Variants in TWSG1 observed in about 807,000 individuals in gnomAD.
TWSG1 encodes the protein twisted gastrulation protein homolog 1.
TWSG1 carries 15 observed loss-of-function variants against 23.0 expected under a neutral mutation model. That is an observed-to-expected ratio of 0.65 (90% CI 0.44 to 1.00). The LOEUF (loss-of-function observed/expected upper bound fraction) is 1.00, where lower values mean the gene tolerates loss of function less well. TWSG1 is among the 50% of genes least tolerant of loss of function. TWSG1 has a pLI of 0.00. For synonymous variants in TWSG1, 86 were observed against 92.8 expected (o/e 0.93, Z 0.42); for missense variants, 242 against 278.7 (o/e 0.87, Z 0.94).
chr18:9,337,059 G>T, intron 1 of TWSG1, 134 bp from the exon 2 acceptor site: 1 of 730,212 alleles, frequency 1.4e-6, no homozygotes, highest in Non-Finnish European at 2.1e-6. Context: ...GGGCAACAGA[G>T]CAAGACTCTA....
Position 9,345,838 on chromosome 18 carries a change from A to G in TWSG1, c.123+8486A>G, listed in dbSNP as rs191739483. 5.4e-3 allele frequency among the ~76,000 whole-genome samples: 823 copies of G among 152,246 alleles called. 7 individuals are homozygous for G. Among genetic ancestry groups the G allele is most frequent in the African/African-American group, 0.019 (791 of 41,558 alleles). ...TATAATAGACTTTATTTTTTGGAAA[A>G]GTTTTAGGTTTACAGAAAAATTGAG... On this transcript the variant is annotated intron_variant, in intron 2 of 4. Transcript: ENST00000262120.
intron 3 of TWSG1, among the ~76,000 whole-genome samples, chr18:9,362,841 G>T (rs994376271): frequency 2.0e-5 from 3 of 152,112 alleles, no homozygotes; most frequent in African/African-American, 7.2e-5. Context: ...ACCTTTAAGG[G>T]TTGGATGTCC....
intron 3 of TWSG1, among the ~76,000 whole-genome samples, chr18:9,363,066 C>A (rs1394105041): frequency 6.6e-6 from 1 of 152,186 alleles, no homozygotes; most frequent in Non-Finnish European, 1.5e-5. Flanking sequence ...AGTCCCCATA[C>A]TTTTCATGGG....
intron 2 of TWSG1, among the ~76,000 whole-genome samples, chr18:9,354,112 T>C (rs1193568276): frequency 6.6e-6 from 1 of 152,250 alleles, no homozygotes; most frequent in African/African-American, 2.4e-5. Context: ...AAATAACTTT[T>C]ATATTTCTCA....
At chr18:9,349,242 T>C (rs2040490774) in intron 2 of TWSG1, among the ~76,000 whole-genome samples, 1 of 152,192 alleles carries the variant, frequency 6.6e-6, no homozygotes, top group African/African-American at 2.4e-5. Context: ...TTTGGATCAA[T>C]ATTATGCTAT....
chr18:9,371,772 C>CT (rs11379317), intron 3 of TWSG1, among the ~76,000 whole-genome samples: 82,722 of 134,624 alleles, frequency 0.61, 25,621 homozygotes, highest in East Asian at 0.71. Flanking sequence ...CATTTTTATT[C>CT]TTTTTTTTTT....
intron 3 of TWSG1, among the ~76,000 whole-genome samples, chr18:9,360,613 A>G (rs76628514): frequency 0.013 from 2,018 of 152,146 alleles, 48 homozygotes; most frequent in African/African-American, 0.046. Context: ...GACTGAGATA[A>G]AGGATCCTCT....
At chr18:9,343,431 A>G (rs958954853) in intron 2 of TWSG1, among the ~76,000 whole-genome samples, 10 of 152,004 alleles carry the variant, frequency 6.6e-5, no homozygotes, top group South Asian at 2.1e-4. Context: ...ATTGAGATAT[A>G]TGATTCATAT....
chr18:9,350,535 C>G (rs1306178676), intron 2 of TWSG1, among the ~76,000 whole-genome samples: 1 of 152,146 alleles, frequency 6.6e-6, no homozygotes, highest in African/African-American at 2.4e-5. Flanking sequence ...CAGCTGGATT[C>G]TTTTAAAGAA....
At chr18:9,386,050 T>A (rs2040681950) in intron 3 of TWSG1, among the ~76,000 whole-genome samples, 1 of 151,500 alleles carries the variant, frequency 6.6e-6, no homozygotes, top group African/African-American at 2.4e-5. Context: ...ATGCCTGTAG[T>A]CCCAGATACT....
chr18:9,396,259 A>G (rs1476648913), intron 3 of TWSG1, 21 bp from the exon 4 acceptor site: 2 of 1,609,980 alleles, frequency 1.2e-6, no homozygotes, highest in Non-Finnish European at 1.7e-6. Flanking sequence ...ACAAAATCTT[A>G]TGATATTACC....
chr18:9,377,032 T>C (rs2040633565), intron 3 of TWSG1, among the ~76,000 whole-genome samples: 1 of 151,970 alleles, frequency 6.6e-6, no homozygotes, highest in South Asian at 2.1e-4. Flanking sequence ...TGTGTGTAGG[T>C]AGGTTATACG....
At chr18:9,360,280 G>A (rs1448750712) in intron 3 of TWSG1, among the ~76,000 whole-genome samples, 1 of 152,194 alleles carries the variant, frequency 6.6e-6, no homozygotes, top group African/African-American at 2.4e-5. Context: ...TCCTTGGGAA[G>A]TAGGAGTGGG....
At chr18:9,375,471 A>G (rs1313454022) in intron 3 of TWSG1, among the ~76,000 whole-genome samples, 1 of 152,192 alleles carries the variant, frequency 6.6e-6, no homozygotes, top group Non-Finnish European at 1.5e-5. Flanking sequence ...TCAACATCAT[A>G]CTGGAAGTTC....
intron 2 of TWSG1, among the ~76,000 whole-genome samples, chr18:9,349,711 T>C (rs1277390822): frequency 6.6e-6 from 1 of 152,242 alleles, no homozygotes; most frequent in Non-Finnish European, 1.5e-5. Context: ...TTTAGTCTCT[T>C]GCTATAGTTA....
At chr18:9,357,246 G>T (rs1422232751) in intron 2 of TWSG1, among the ~76,000 whole-genome samples, 1 of 152,158 alleles carries the variant, frequency 6.6e-6, no homozygotes, top group Non-Finnish European at 1.5e-5. Flanking sequence ...CATGAATGCA[G>T]CCTGAGTGTA....
intron 2 of TWSG1, among the ~76,000 whole-genome samples, chr18:9,352,402 C>T (rs555505334): frequency 6.6e-6 from 1 of 152,124 alleles, no homozygotes; most frequent in East Asian, 1.9e-4. Context: ...CCATATGGGT[C>T]TTTTTATGGA....
intron 2 of TWSG1, among the ~76,000 whole-genome samples, chr18:9,347,431 C>T (rs2040482448): frequency 6.6e-6 from 1 of 152,158 alleles, no homozygotes; most frequent in South Asian, 2.1e-4. Flanking sequence ...TTGGGGAGTA[C>T]TGTGTTGCCA....
chr18:9,344,077 T>A lies in TWSG1; in HGVS notation c.123+6725T>A, dbSNP rs191207571. ...CACCATACCTGGCTAATTAAAAAAA[T>A]TTTTTGTGTGTGGAGACAGGATCTT... On this transcript the variant is annotated intron_variant, in intron 2 of 4. Coordinates refer to ENST00000262120, the MANE Select transcript of TWSG1 (RefSeq NM_020648.6). Among the ~76,000 whole-genome samples, 1,099 of 152,240 alleles carry A rather than the reference T, an allele frequency of 7.2e-3. 9 individuals carry two copies. Among genetic ancestry groups the A allele is most frequent in the Middle Eastern group, 0.058 (17 of 294 alleles).
Sources: gnomAD v4.1 joint callset for allele counts (sites outside exome capture counted in the v4.1 genomes callset) on GRCh38, gnomAD v4.1.1 for gene constraint, MANE v1.5 for transcripts, NCBI Gene and HGNC (gene_info 2026-07-23, HGNC 2026-07-21) for gene names.